LINGO1: variants seen among roughly 807,000 people sequenced by gnomAD.
LINGO1 encodes the protein leucine rich repeat and Ig domain containing 1, also known as leucine-rich repeat and immunoglobulin-like domain-containing nogo receptor-interacting protein 1.
A neutral mutation model predicts 37.3 loss-of-function variants in LINGO1; 11 were observed. The ratio of observed to expected loss-of-function variants is 0.29; its 90% CI spans 0.19 to 0.49. The LOEUF (loss-of-function observed/expected upper bound fraction) is 0.49. Ranked by LOEUF, LINGO1 falls within the 20% of genes least tolerant of loss-of-function variation. The pLI, the probability that LINGO1 is intolerant of heterozygous loss-of-function variation, is 0.99. For missense variants in LINGO1, 585 were observed against 878.2 expected (o/e 0.67, Z 4.22); for synonymous variants, 387 against 403.0 (o/e 0.96, Z 0.48).
At chr15:77,762,403 A>G (rs1455868168) in intron 1 of LINGO1, among the ~76,000 whole-genome samples, 2 of 152,218 alleles carry the variant, frequency 1.3e-5, no homozygotes, top group African/African-American at 4.8e-5. Context: ...CAGGAAGCCT[A>G]TCCTGACCAC....
At chr15:77,627,707 G>A (rs2074136267) in intron 1 of LINGO1, among the ~76,000 whole-genome samples, 1 of 152,210 alleles carries the variant, frequency 6.6e-6, no homozygotes, top group Non-Finnish European at 1.5e-5. Flanking sequence ...CCATCCTGGG[G>A]TAAACACAAA....
At chr15:77,785,921 G>A (rs2076766174) in intron 1 of LINGO1, among the ~76,000 whole-genome samples, 1 of 152,188 alleles carries the variant, frequency 6.6e-6, no homozygotes, top group South Asian at 2.1e-4. Context: ...GCCAACCCCA[G>A]GCAAATCCCA....
Position 77,653,020 on chromosome 15 carries a change from G to A in LINGO1, c.-13+24069C>T, listed in dbSNP as rs527431866. ...TGAGCCACCTCAGATTGGGAAGGGG[G>A]AAATGCAGATTGGCAAAGAAGCTCT... On this transcript the variant is annotated intron_variant, in intron 3 of 3. Coordinates refer to the LINGO1 transcript ENST00000559893. Among the ~76,000 whole-genome samples, 10 of 152,360 alleles carry A rather than the reference G, an allele frequency of 6.6e-5. No individual in the cohort carries two copies. The South Asian group carries it at 2.1e-3, about 32-fold the overall frequency.
At chr15:77,729,687 G>A (rs551410450) in intron 2 of LINGO1, among the ~76,000 whole-genome samples, 9 of 152,166 alleles carry the variant, frequency 5.9e-5, no homozygotes, top group African/African-American at 1.2e-4. Context: ...TATGGCTCCC[G>A]CTCCTCCAGG....
At chr15:77,794,668 A>G (rs1178214975) in intron 2 of LINGO1, among the ~76,000 whole-genome samples, 1 of 148,550 alleles carries the variant, frequency 6.7e-6, no homozygotes, top group South Asian at 2.1e-4. Flanking sequence ...GCTCACTGCA[A>G]GCTCCACCTC....
At chr15:77,740,687 G>A (rs1322592910) in intron 1 of LINGO1, among the ~76,000 whole-genome samples, 2 of 152,208 alleles carry the variant, frequency 1.3e-5, no homozygotes, top group Non-Finnish European at 2.9e-5. Flanking sequence ...TTCCTGGAGG[G>A]GCAGGGTGGG....
intron 2 of LINGO1, among the ~76,000 whole-genome samples, chr15:77,795,174 T>C (rs1169057810): frequency 2.6e-5 from 4 of 152,108 alleles, no homozygotes; most frequent in Non-Finnish European, 5.9e-5. Context: ...TTGGCCCAGA[T>C]ATGGGGTAGA....
intron 1 of LINGO1, among the ~76,000 whole-genome samples, chr15:77,693,152 TTTC>T (rs2075634209): frequency 6.6e-6 from 1 of 152,234 alleles, no homozygotes; most frequent in Admixed American, 6.5e-5. Flanking sequence ...TCATCTGCTA[TTTC>T]TTCTTGTTTT....
intron 1 of LINGO1, among the ~76,000 whole-genome samples, chr15:77,749,800 A>G (rs911045122): frequency 3.9e-5 from 6 of 152,192 alleles, no homozygotes; most frequent in African/African-American, 1.4e-4. Flanking sequence ...CTCTCTGCCA[A>G]TAAGCTGAGG....
intron 1 of LINGO1, among the ~76,000 whole-genome samples, chr15:77,740,437 C>T (rs1436533494): frequency 6.6e-6 from 1 of 152,190 alleles, no homozygotes; most frequent in Non-Finnish European, 1.5e-5. Context: ...CTCCAAGATG[C>T]AGCACAAATG....
At chr15:77,794,627 G>A (rs1188656871) in intron 2 of LINGO1, among the ~76,000 whole-genome samples, 7 of 135,116 alleles carry the variant, frequency 5.2e-5, no homozygotes, top group South Asian at 4.5e-4. Context: ...TCGCTCTGTC[G>A]CCCAGGCTGG....
At chr15:77,799,744 T>C (rs1295571157) in intron 1 of LINGO1, among the ~76,000 whole-genome samples, 1 of 152,214 alleles carries the variant, frequency 6.6e-6, no homozygotes, top group Non-Finnish European at 1.5e-5. Flanking sequence ...CACAAGTCCC[T>C]ATCTCTGTCA....
At chr15:77,634,783 G>T (rs1344683104), upstream of LINGO1, among the ~76,000 whole-genome samples, 1 of 149,906 alleles carries the variant, frequency 6.7e-6, no homozygotes, top group African/African-American at 2.4e-5. Flanking sequence ...GGCTGTTTGT[G>T]AGCTACCCGT....
At chr15:77,720,134 A>G (rs1596153185) in intron 2 of LINGO1, among the ~76,000 whole-genome samples, 1 of 138,944 alleles carries the variant, frequency 7.2e-6, no homozygotes, top group South Asian at 2.4e-4. Context: ...TGCTCCTACC[A>G]CCAGCCCCAC....
chr15:77,615,820 C>A lies in LINGO1; in HGVS notation c.87G>T (p.Leu29=). The change falls in exon 2 of 2, where the codon CTG becomes CTT. Residue 29 remains leucine, a synonymous_variant. Transcript: ENST00000355300. The part of the protein sequence containing the change: ...LLACWQPILL[L]VLGSVLSGSA... ...AGCCTGACAGCACTGAGCCCAGCAC[C>A]AGCAGGAGGATGGGCTGCCAGCAGG... 1 of 1,531,450 alleles carries A rather than the reference C, an allele frequency of 6.5e-7. No individual in the cohort carries two copies. The highest frequency in any genetic ancestry group is 8.7e-7 in the Non-Finnish European group (1 of 1,147,604). The allele number at this position is 1,531,450 out of a possible 1,614,324, so 94.9% of individuals were successfully genotyped here.
intron 2 of LINGO1, among the ~76,000 whole-genome samples, chr15:77,709,026 C>T (rs1413994538): frequency 1.3e-5 from 2 of 152,222 alleles, no homozygotes; most frequent in African/African-American, 4.8e-5. Context: ...ATGCCAGCAA[C>T]ACCAGGAGCC....
intron 3 of LINGO1, among the ~76,000 whole-genome samples, chr15:77,661,658 G>C (rs2074996214): frequency 6.6e-6 from 1 of 152,226 alleles, no homozygotes. Flanking sequence ...TGGGTAAACA[G>C]CCTGAAGTGT....
chr15:77,641,596 A>G (rs1253826778), intron 3 of LINGO1, among the ~76,000 whole-genome samples: 2 of 152,338 alleles, frequency 1.3e-5, no homozygotes, highest in Admixed American at 6.5e-5. Context: ...TTGGCACTGC[A>G]TGGGCTCCCC....
chr15:77,676,719 C>T (rs1211276879), intron 3 of LINGO1, among the ~76,000 whole-genome samples: 3 of 152,238 alleles, frequency 2.0e-5, no homozygotes, highest in South Asian at 2.1e-4. Context: ...AAACCTCCTA[C>T]AGCCAAGGCA....
Sources: allele counts gnomAD v4.1 joint callset (sites outside exome capture counted in the v4.1 genomes callset), GRCh38; gene constraint gnomAD v4.1.1; transcripts MANE v1.5; gene names NCBI Gene and HGNC (gene_info 2026-07-23, HGNC 2026-07-21).